TTC1: variants seen among roughly 807,000 people sequenced by gnomAD.
The protein encoded by TTC1 is tetratricopeptide repeat domain 1.
In TTC1, 31 loss-of-function variants were observed where a neutral mutation model predicts 37.6. The ratio of observed to expected loss-of-function variants is 0.82; its 90% confidence interval spans 0.62 to 1.11. The LOEUF is 1.11. Ranked by LOEUF, TTC1 falls within the 50% of genes most tolerant of loss-of-function variation. The pLI, the probability that TTC1 is intolerant of heterozygous loss-of-function variation, is 0.00. For synonymous variants in TTC1, 127 were observed against 122.4 expected, an observed-to-expected ratio of 1.04 and a Z score of -0.25; for missense variants, 351 against 339.0, an observed-to-expected ratio of 1.04 and a Z score of -0.28.
chr5:160,045,501 CACACACACACACAT>C (rs1276576130), intron 5 of TTC1, among the ~76,000 whole-genome samples: 76 of 108,602 alleles, frequency 7.0e-4, no homozygotes, highest in Middle Eastern at 5.1e-3. Flanking sequence ...CACACACACA[CACACACACACACAT>C]ACACACTCTC....
intron 4 of TTC1, among the ~76,000 whole-genome samples, chr5:160,040,406 T>C (rs2090725): frequency 0.066 from 10,078 of 152,282 alleles, 389 homozygotes; most frequent in East Asian, 0.12. Context: ...ACTTCATAAA[T>C]ATCTTACATT....
At chr5:160,029,466 A>AC (rs201530964) in intron 2 of TTC1, among the ~76,000 whole-genome samples, 10,873 of 115,182 alleles carry the variant, frequency 0.094, 591 homozygotes, top group Admixed American at 0.2. Flanking sequence ...ACATAGTGAG[A>AC]CCCCCCCATC....
chr5:160,037,173 T>TA (rs1246980211), intron 4 of TTC1, among the ~76,000 whole-genome samples: 1 of 152,188 alleles, frequency 6.6e-6, no homozygotes, highest in Non-Finnish European at 1.5e-5. Flanking sequence ...GAAACACTGG[T>TA]AAAAACTCTG....
chr5:160,045,549 CTCT>C (rs1757217300), intron 5 of TTC1, among the ~76,000 whole-genome samples: 51 of 145,716 alleles, frequency 3.5e-4, no homozygotes, highest in African/African-American at 7.7e-4. Context: ...CTCTCTCTCT[CTCT>C]CCCCCTCCCC....
intron 2 of TTC1, among the ~76,000 whole-genome samples, chr5:160,018,732 A>G (rs1417226344): frequency 6.6e-6 from 1 of 152,200 alleles, no homozygotes; most frequent in Non-Finnish European, 1.5e-5. Flanking sequence ...AAGAGAATTC[A>G]GTTCTTATAC....
At chr5:160,023,078 A>G (rs1229450041) in intron 2 of TTC1, among the ~76,000 whole-genome samples, 1 of 152,002 alleles carries the variant, frequency 6.6e-6, no homozygotes, top group Non-Finnish European at 1.5e-5. Context: ...ACAAGGTGAA[A>G]CCCCATCTCT....
intron 7 of TTC1, among the ~76,000 whole-genome samples, chr5:160,062,902 T>C (rs1404084827): frequency 1.3e-5 from 2 of 152,180 alleles, no homozygotes; most frequent in African/African-American, 4.8e-5. Flanking sequence ...ACCCTGAGGC[T>C]GCCCTGTCTT....
intron 7 of TTC1, among the ~76,000 whole-genome samples, chr5:160,063,952 G>T (rs1407212382): frequency 6.9e-6 from 1 of 145,852 alleles, no homozygotes; most frequent in African/African-American, 2.5e-5. Context: ...AGAACCGCTG[G>T]CTATAGACCA....
At position 160,064,943 on chromosome 5, in the gene TTC1, G is replaced by A. The variant is rs1432933665; in HGVS notation, c.757G>A (p.Asp253Asn). 3.7e-6 allele frequency: 6 copies of A among 1,609,492 alleles called. No homozygotes were observed. The South Asian group carries it at 6.7e-5, about 18-fold the overall frequency. ...CTTTTACATTACAGGTAAATTAAAA[G>A]ATCTTGGGAACTTGGTTCTCCGACC... is the stretch of plus-strand genomic sequence containing the variant. ...LKEEMLGKLK[D>N]LGNLVLRPFG... The change falls in exon 8 of 8, where the codon GAT becomes AAT. Residue 253 changes from aspartate (D) to asparagine (N), a missense_variant. Transcript: ENST00000231238.
In TTC1 at chr5:160,057,771, C is replaced by CGT. The variant is rs140239164; in HGVS notation, c.745+6604_745+6605dup. 4.9e-4 allele frequency among the ~76,000 whole-genome samples: 74 copies of CGT among 150,680 alleles called. No individual in the cohort carries two copies. The highest frequency in any genetic ancestry group is 1.1e-3 in the South Asian group (5 of 4,734). Reference sequence around the variant, plus strand: ...GTTATGTAATATTTGGGGGTTTGTGCGTGTGTGTGTGTGTGTGACACAGAG... The same window carrying CGT: ...GTTATGTAATATTTGGGGGTTTGTGCGTGTGTGTGTGTGTGTGTGACACAGAG... On this transcript the variant is annotated intron_variant, in intron 7 of 7. Coordinates refer to ENST00000231238, the MANE Select transcript of TTC1 (RefSeq NM_003314.3). The surrounding 1 kb of genome is among the most constrained non-coding windows in gnomAD (Gnocchi z 4.4).
At chr5:160,038,105 A>G (rs373302328) in intron 4 of TTC1, among the ~76,000 whole-genome samples, 4 of 151,580 alleles carry the variant, frequency 2.6e-5, no homozygotes, top group South Asian at 2.1e-4. Context: ...TTTTACCAGA[A>G]CTTGTGTAAG....
At chr5:160,056,170 T>A (rs576393156) in intron 7 of TTC1, among the ~76,000 whole-genome samples, 1 of 152,280 alleles carries the variant, frequency 6.6e-6, no homozygotes, top group African/African-American at 2.4e-5. Context: ...AAAGAAACCA[T>A]AACACAAAGA....
At chr5:160,019,932 C>A (rs376214817) in intron 2 of TTC1, among the ~76,000 whole-genome samples, 4 of 151,698 alleles carry the variant, frequency 2.6e-5, no homozygotes, top group South Asian at 2.1e-4. Flanking sequence ...TTGTTGTTTT[C>A]TGTTTGTTTA....
intron 7 of TTC1, among the ~76,000 whole-genome samples, chr5:160,060,045 GC>G (rs1757657835): frequency 6.6e-6 from 1 of 152,288 alleles, no homozygotes; most frequent in East Asian, 1.9e-4. Flanking sequence ...TCTATGCTGG[GC>G]TCTCTTGATT....
intron 2 of TTC1, among the ~76,000 whole-genome samples, chr5:160,034,306 CTACTT>C (rs1235767188): frequency 1.3e-5 from 2 of 152,112 alleles, no homozygotes; most frequent in East Asian, 1.9e-4. Flanking sequence ...CAGCATGCGT[CTACTT>C]TGCTTTGCAG....
intron 4 of TTC1, among the ~76,000 whole-genome samples, chr5:160,041,404 G>A (rs755313303): frequency 3.3e-5 from 5 of 150,208 alleles, no homozygotes; most frequent in African/African-American, 9.8e-5. Flanking sequence ...TCTGCCTCCC[G>A]GTTTCAAGCA....
rs112777460 is a variant in TTC1 at position 160,027,879 on chromosome 5, C to T, written c.331-7261C>T. 9.6e-3 allele frequency among the ~76,000 whole-genome samples: 1,469 copies of T among 152,270 alleles called. 23 individuals are homozygous for T. The highest frequency in any genetic ancestry group is 0.033 in the African/African-American group (1,372 of 41,556). ...TTCTCTTGTGGCTTTCACATTTTCT[C>T]TTTGTCTTTTTCTCTCACCACTCTG... On this transcript the variant is annotated intron_variant, in intron 2 of 7. Coordinates refer to ENST00000231238, the MANE Select transcript of TTC1 (RefSeq NM_003314.3).
intron 5 of TTC1, among the ~76,000 whole-genome samples, chr5:160,045,551 CT>C (rs1453418718): frequency 1.6e-4 from 23 of 144,874 alleles, no homozygotes; most frequent in Middle Eastern, 3.6e-3. Flanking sequence ...CTCTCTCTCT[CT>C]CCCCCTCCCC....
At chr5:160,037,437 C>G in intron 4 of TTC1, among the ~76,000 whole-genome samples, 1 of 152,110 alleles carries the variant, frequency 6.6e-6, no homozygotes, top group Non-Finnish European at 1.5e-5. Flanking sequence ...AGATTTGGGC[C>G]AGATGCAGTG....
Sources: gnomAD v4.1 joint callset for allele counts (sites outside exome capture counted in the v4.1 genomes callset) on GRCh38, gnomAD v4.1.1 for gene constraint, Gnocchi (gnomAD v3.1) non-coding constraint, MANE v1.5 for transcripts, NCBI Gene and HGNC (gene_info 2026-07-23, HGNC 2026-07-21) for gene names.